The following RCC1L variants were observed in gnomAD, a reference collection of about 807,000 sequenced individuals.
The protein encoded by RCC1L is RCC1 like.
RCC1L carries 46 observed loss-of-function variants against 58.6 expected under a neutral mutation model. That is an observed-to-expected ratio of 0.79 (90% confidence interval 0.62 to 1.00). The LOEUF (loss-of-function observed/expected upper bound fraction) is 1.00, where lower values mean the gene tolerates loss of function less well. Among genes scored for constraint, RCC1L ranks in the 50% least tolerant of loss-of-function variants. RCC1L has a pLI of 0.00. For missense variants in RCC1L, 636 were observed against 623.6 expected (o/e 1.02, Z -0.21); for synonymous variants, 281 against 262.9 (o/e 1.07, Z -0.67).
chr7:75,032,632 G>C (rs957395392), intron 10 of RCC1L, among the ~76,000 whole-genome samples: 2 of 152,114 alleles, frequency 1.3e-5, no homozygotes, highest in Non-Finnish European at 2.9e-5. Flanking sequence ...CTCACCCTTG[G>C]CCCACAGGAA....
At chr7:75,048,975 A>G (rs1263960216) in intron 10 of RCC1L, among the ~76,000 whole-genome samples, 1 of 152,182 alleles carries the variant, frequency 6.6e-6, no homozygotes, top group South Asian at 2.1e-4. Flanking sequence ...TAGCAAAAAA[A>G]CATGTCCTGG....
Position 75,052,698 on chromosome 7 carries a change from C to CG in RCC1L, c.1317+12dup. On this transcript the variant is annotated intron_variant, in intron 10 of 10. Transcript: ENST00000610322. Reference sequence around the variant, plus strand: ...TTAGCATCCATTCTCAAGACCTCCCCGGCCAGCCTTACCCTCCATGGGAAA... The same window carrying CG: ...TTAGCATCCATTCTCAAGACCTCCCCGGGCCAGCCTTACCCTCCATGGGAAA... 6.2e-7 allele frequency: 1 copy of CG among 1,605,368 alleles called. No homozygotes were observed.
intron 10 of RCC1L, among the ~76,000 whole-genome samples, chr7:75,051,432 G>A (rs879195952): frequency 0.019 from 2,906 of 149,166 alleles, 43 homozygotes; most frequent in Non-Finnish European, 0.032. Context: ...TTTTTTTTGA[G>A]ACACAGTCTC....
At chr7:75,056,616 G>T in intron 8 of RCC1L, 1 of 1,535,136 alleles carries the variant, frequency 6.5e-7, no homozygotes, top group East Asian at 2.4e-5. Flanking sequence ...TTTGGCTGGA[G>T]AAGGCAGAGC....
At chr7:75,033,021 G>A (rs1488545629) in intron 10 of RCC1L, among the ~76,000 whole-genome samples, 1 of 140,876 alleles carries the variant, frequency 7.1e-6, no homozygotes, top group African/African-American at 2.7e-5. Flanking sequence ...GCAGTGAGCC[G>A]AGATTGTGCC....
In RCC1L at chr7:75,043,309, G is replaced by A. The variant is rs1805621447; in HGVS notation, c.1318-200C>T. On this transcript the variant is annotated intron_variant, in intron 10 of 10. Coordinates refer to ENST00000610322, the MANE Select transcript of RCC1L (RefSeq NM_030798.5). ...TACCCTCTGGGAATGGGGGCACTTA[G>A]GCCTCCCCAGCAGGTCCATCAGGAC... 2.6e-5 allele frequency among the ~76,000 whole-genome samples: 4 copies of A among 152,326 alleles called. No homozygotes were observed. In the South Asian group the frequency reaches 8.3e-4, roughly 32 times the overall value.
Position 75,042,623 on chromosome 7 carries a change from C to T in RCC1L, c.*409G>A. ...GCTGGGGCTCGGTCCGAGGCACACGCATGGCCTTGGCCAGACACAAACCAA... is the reference window on the plus strand; with the variant it reads ...GCTGGGGCTCGGTCCGAGGCACACGTATGGCCTTGGCCAGACACAAACCAA... On this transcript the variant is annotated 3_prime_UTR_variant, in exon 11 of 11. Transcript: ENST00000610322. 6 of 1,038,778 alleles carry T rather than the reference C, an allele frequency of 5.8e-6. No individual in the cohort carries two copies. The highest frequency in any genetic ancestry group is 7.0e-6 in the Non-Finnish European group (6 of 861,768). 64.3% of individuals were successfully genotyped at this position (1,038,778 alleles called of 1,614,324 possible). A position where few individuals can be genotyped will look rare whatever the true frequency, so the allele number is the denominator to read the frequency against.
exon 11 of RCC1L, chr7:75,027,846 T>G (rs1584481407): frequency 1.5e-6 from 1 of 682,564 alleles, no homozygotes; most frequent in South Asian, 1.6e-5. Flanking sequence ...CGGGGTGGGG[T>G]GTGAGTGTGG....
In RCC1L at chr7:75,056,081, T is replaced by C; in HGVS notation, c.1058-7A>G. On this transcript the variant is annotated splice_polypyrimidine_tract_variant and splice_region_variant and intron_variant, in intron 8 of 10. Coordinates refer to ENST00000610322, the MANE Select transcript of RCC1L (RefSeq NM_030798.5). ...ACAAAAACATGTCCTTCTCCTACAT[T>C]ACAGTAAAAACAAGGGTCAGTAAGT... 6.2e-7 allele frequency: 1 copy of C among 1,613,850 alleles called. No homozygotes were observed. The highest frequency in any genetic ancestry group is 8.5e-7 in the Non-Finnish European group (1 of 1,179,838).
chr7:75,030,153 G>A (rs1443052728), intron 10 of RCC1L, among the ~76,000 whole-genome samples: 2 of 152,236 alleles, frequency 1.3e-5, no homozygotes, highest in Non-Finnish European at 2.9e-5. Context: ...ATGGAAATTG[G>A]AAGTGCAGGG....
chr7:75,066,222 C>T (rs782727079), intron 3 of RCC1L, among the ~76,000 whole-genome samples: 4 of 151,856 alleles, frequency 2.6e-5, no homozygotes, highest in Non-Finnish European at 4.4e-5. Flanking sequence ...GAGGCTAAGG[C>T]GGGCGGATCA....
chr7:75,047,269 T>C (rs1805753134), intron 10 of RCC1L, among the ~76,000 whole-genome samples: 2 of 152,132 alleles, frequency 1.3e-5, no homozygotes, highest in Admixed American at 1.3e-4. Flanking sequence ...TTTTGTATTT[T>C]TAAATTTTTG....
rs1554445177 is a variant in RCC1L, at chr7:75,066,685, C to A, written c.562G>T (p.Val188Leu). 2 of 1,613,056 alleles carry A rather than the reference C, an allele frequency of 1.2e-6. No homozygotes were observed. Among genetic ancestry groups the A allele is most frequent in the African/African-American group, 1.3e-5 (1 of 75,018 alleles). ...TCACCTCCTTCCCTGTCAGTCAACACAAGAGAGTGAGCTCGGCCGCAGGAG... is the reference window on the plus strand; with the variant it reads ...TCACCTCCTTCCCTGTCAGTCAACAAAAGAGAGTGAGCTCGGCCGCAGGAG... ...QVSCGRAHSL[V>L]LTDREGVFSM... The change falls in exon 3 of 11, where the codon GTG (valine) becomes TTG (leucine). Residue 188 changes from valine (V) to leucine (L), a missense_variant. By Grantham distance (32) the Val-to-Leu change is conservative. Coordinates refer to ENST00000610322, the MANE Select transcript of RCC1L (RefSeq NM_030798.5).
chr7:75,042,750 T>C lies in RCC1L; in HGVS notation c.*282A>G. On this transcript the variant is annotated 3_prime_UTR_variant, in exon 11 of 11. Coordinates refer to ENST00000610322, the MANE Select transcript of RCC1L (RefSeq NM_030798.5). The stretch of plus-strand genomic sequence containing the variant: ...AGGCGAGACGTGACACCAGACACCG[T>C]CGCATGTTACTTGGAGAGAACAGAG... The C allele has an allele frequency of 7.3e-7, 1 of 1,370,504 alleles. No individual in the cohort carries two copies. Among genetic ancestry groups the C allele is most frequent in the Non-Finnish European group, 9.5e-7 (1 of 1,054,324 alleles). The allele number at this position is 1,370,504 out of a possible 1,614,324, so 84.9% of individuals were successfully genotyped here.
At chr7:75,045,521 T>TC (rs1491290258) in intron 10 of RCC1L, among the ~76,000 whole-genome samples, 1 of 8,002 alleles carries the variant, frequency 1.2e-4, no homozygotes, top group African/African-American at 5.6e-4. Flanking sequence ...TGCATCTCTC[T>TC]TTTTTTTTTT....
chr7:75,057,147 A>G (rs1186616663), intron 8 of RCC1L, among the ~76,000 whole-genome samples: 3 of 151,884 alleles, frequency 2.0e-5, no homozygotes, highest in African/African-American at 7.3e-5. Context: ...TAATTTTTCT[A>G]TTTTTAGTAG....
Position 75,070,578 on chromosome 7 carries a change from T to C in RCC1L, c.454+62A>G, listed in dbSNP as rs77968934. On this transcript the variant is annotated intron_variant, in intron 2 of 10. Transcript: ENST00000610322. ...GACTGAGACTCTGTCTCAAAAAAAA[T>C]ACAAAAAAAGAGCTTTCTCAGACCA... is the stretch of plus-strand genomic sequence containing the variant. The C allele has an allele frequency of 6.3e-6, 10 of 1,581,384 alleles. No individual in the cohort carries two copies. The East Asian group carries it at 1.4e-4, about 22-fold the overall frequency.
chr7:75,066,055 C>T (rs1554445065), intron 3 of RCC1L, among the ~76,000 whole-genome samples: 4 of 150,606 alleles, frequency 2.7e-5, no homozygotes, highest in African/African-American at 9.8e-5. Context: ...CTACACACCA[C>T]CCAGCTCAGG....
chr7:75,070,218 C>T (rs1299499255), intron 2 of RCC1L, among the ~76,000 whole-genome samples: 1 of 152,126 alleles, frequency 6.6e-6, no homozygotes, highest in Non-Finnish European at 1.5e-5. Flanking sequence ...AAACAACATC[C>T]CTTTAAGTCT....
Sources: gnomAD v4.1 joint callset for allele counts (sites outside exome capture counted in the v4.1 genomes callset) on GRCh38, gnomAD v4.1.1 for gene constraint, MANE v1.5 for transcripts, NCBI Gene and HGNC (gene_info 2026-07-23, HGNC 2026-07-21) for gene names.